SLC44A5: variants seen among roughly 807,000 people sequenced by gnomAD.
The protein encoded by SLC44A5 is choline transporter-like protein 5.
In SLC44A5, 57 loss-of-function variants were observed where a neutral mutation model predicts 101.8. The ratio of observed to expected loss-of-function variants is 0.56; its 90% CI spans 0.45 to 0.70. The LOEUF is 0.70. Among genes scored for constraint, SLC44A5 ranks in the 30% least tolerant of loss-of-function variants. The probability of loss-of-function intolerance (pLI) is 0.00; values close to 1 mark genes in which losing one functional copy is unlikely to be tolerated. For synonymous variants in SLC44A5, 281 were observed against 290.9 expected (o/e 0.97, Z 0.35); for missense variants, 737 against 853.1 (o/e 0.86, Z 1.70).
At chr1:75,211,597 C>G (rs1646854033) in intron 22 of SLC44A5, 45 bp from the exon 23 acceptor site, 4 of 1,365,718 alleles carry the variant, frequency 2.9e-6, no homozygotes, top group Non-Finnish European at 4.2e-6. Context: ...TTTACTTTGA[C>G]CAGAAGAAGA....
At chr1:75,296,489 G>C (rs141921489) in intron 5 of SLC44A5, among the ~76,000 whole-genome samples, 5 of 151,728 alleles carry the variant, frequency 3.3e-5, no homozygotes, top group Non-Finnish European at 5.9e-5. Context: ...CATCACCTAA[G>C]TCAGGTCCAA....
chr1:75,562,623 T>G (rs211704), intron 1 of SLC44A5, among the ~76,000 whole-genome samples: 145,880 of 152,164 alleles, frequency 0.96, 69,962 homozygotes, highest in East Asian at 0.98. Context: ...GGAGATGGAG[T>G]CTGCAGTGAG....
rs201255095 is a variant in SLC44A5 at position 75,573,804 on chromosome 1, A to G, written c.-69-32288T>C. On this transcript the variant is annotated intron_variant, in intron 1 of 23. Coordinates refer to ENST00000370859, the MANE Select transcript of SLC44A5 (RefSeq NM_001130058.2). Reference sequence around the variant, plus strand: ...TATACAACTCAAATAAGAAAGCCAGAAAAAAAAAAGATATTTTTCCTCCTC... The same window carrying G: ...TATACAACTCAAATAAGAAAGCCAGGAAAAAAAAAGATATTTTTCCTCCTC... Among the ~76,000 whole-genome samples the G allele has an allele frequency of 2.6e-4, 18 of 70,158 alleles. No homozygotes were observed. The South Asian group carries it at 3.3e-3, about 13-fold the overall frequency. 46.0% of individuals were successfully genotyped at this position (70,158 alleles called of 152,430 possible).
At chr1:75,268,957 T>C (rs1166229154) in intron 6 of SLC44A5, among the ~76,000 whole-genome samples, 4 of 152,132 alleles carry the variant, frequency 2.6e-5, no homozygotes, top group African/African-American at 9.7e-5. Flanking sequence ...AAATTTCCAC[T>C]AGATGAGTTT....
intron 2 of SLC44A5, among the ~76,000 whole-genome samples, chr1:75,504,867 C>T (rs58331728): frequency 0.027 from 4,033 of 152,140 alleles, 172 homozygotes; most frequent in African/African-American, 0.092. Flanking sequence ...ATTTTAGATT[C>T]AAGGGATACA....
intron 2 of SLC44A5, among the ~76,000 whole-genome samples, chr1:75,534,749 G>C (rs211752): frequency 0.22 from 34,179 of 152,110 alleles, 4,140 homozygotes; most frequent in Admixed American, 0.3. Context: ...GTGACTTTTC[G>C]TTTATTAATG....
At chr1:75,554,469 C>CAA (rs35263222) in intron 1 of SLC44A5, among the ~76,000 whole-genome samples, 53,885 of 122,904 alleles carry the variant, frequency 0.44, 12,081 homozygotes, top group African/African-American at 0.49. Flanking sequence ...GTGACTCTGT[C>CAA]AAAAAAAAAA....
intron 1 of SLC44A5, among the ~76,000 whole-genome samples, chr1:75,594,377 TG>T (rs1674521269): frequency 6.6e-6 from 1 of 151,986 alleles, no homozygotes; most frequent in African/African-American, 2.4e-5. Flanking sequence ...CGGATCCAAA[TG>T]TCATTAGTGT....
At chr1:75,680,637 T>C in the SLC44A5 span, among the ~76,000 whole-genome samples, 1 of 151,018 alleles carries the variant, frequency 6.6e-6, no homozygotes, top group Non-Finnish European at 1.5e-5. Flanking sequence ...TTTATAGCAC[T>C]AAATGCCCAC....
chr1:75,616,047 C>A (rs999823069), upstream of SLC44A5, among the ~76,000 whole-genome samples: 16 of 151,866 alleles, frequency 1.1e-4, no homozygotes, highest in Admixed American at 6.6e-5. Context: ...CTCAGCTCGG[C>A]TCGGCTCGGC....
At chr1:75,539,177 A>G (rs1438365180) in intron 2 of SLC44A5, among the ~76,000 whole-genome samples, 1 of 152,162 alleles carries the variant, frequency 6.6e-6, no homozygotes, top group Non-Finnish European at 1.5e-5. Context: ...AAAGTCCTAA[A>G]CTTACCTCTA....
At chr1:75,363,120 CT>C (rs1321669821) in intron 3 of SLC44A5, among the ~76,000 whole-genome samples, 1 of 151,998 alleles carries the variant, frequency 6.6e-6, no homozygotes, top group African/African-American at 2.4e-5. Context: ...ATAGCTACCC[CT>C]GCTCTCATTT....
At chr1:75,426,817 G>T (rs568591740) in intron 2 of SLC44A5, among the ~76,000 whole-genome samples, 1 of 152,354 alleles carries the variant, frequency 6.6e-6, no homozygotes, top group African/African-American at 2.4e-5. Context: ...AGGGAGAGAA[G>T]AGAATCTATT....
At chr1:75,544,261 T>C (rs1245884647) in intron 1 of SLC44A5, among the ~76,000 whole-genome samples, 2 of 152,176 alleles carry the variant, frequency 1.3e-5, no homozygotes, top group African/African-American at 2.4e-5. Flanking sequence ...CTTCTGCCAT[T>C]ATGATACAGC....
chr1:75,674,562 T>C, the SLC44A5 span, among the ~76,000 whole-genome samples: 2 of 152,084 alleles, frequency 1.3e-5, no homozygotes, highest in African/African-American at 2.4e-5. Context: ...GTATTTTTAG[T>C]AGAGACAGGG....
At chr1:75,717,149 T>A in the SLC44A5 span, among the ~76,000 whole-genome samples, 1 of 151,628 alleles carries the variant, frequency 6.6e-6, no homozygotes, top group African/African-American at 2.4e-5. Context: ...GCACTCAAGG[T>A]CATTATTCTA....
At chr1:75,655,978 T>A in the SLC44A5 span, among the ~76,000 whole-genome samples, 12 of 151,946 alleles carry the variant, frequency 7.9e-5, no homozygotes, top group African/African-American at 2.9e-4. Context: ...GCTCCAAAGG[T>A]CAAAATTAAA....
chr1:75,270,196 T>C (rs1422960014), intron 6 of SLC44A5, among the ~76,000 whole-genome samples: 1 of 152,166 alleles, frequency 6.6e-6, no homozygotes, highest in African/African-American at 2.4e-5. Context: ...ATAAAACTTA[T>C]GCTTAAAAAA....
At chr1:75,267,430 A>G (rs1651090345) in intron 6 of SLC44A5, among the ~76,000 whole-genome samples, 1 of 152,194 alleles carries the variant, frequency 6.6e-6, no homozygotes, top group Middle Eastern at 3.2e-3. Flanking sequence ...TTCGGTAGGA[A>G]TATAAAAGTG....
Sources: allele counts gnomAD v4.1 joint callset (sites outside exome capture counted in the v4.1 genomes callset), GRCh38; gene constraint gnomAD v4.1.1; transcripts MANE v1.5; gene names NCBI Gene and HGNC (gene_info 2026-07-23, HGNC 2026-07-21).